DST: variants seen among roughly 807,000 people sequenced by gnomAD.
The protein encoded by DST is dystonin.
In DST, 253 loss-of-function variants were observed where a neutral mutation model predicts 875.2. The ratio of observed to expected loss-of-function variants is 0.29; its 90% CI spans 0.26 to 0.32. The LOEUF (loss-of-function observed/expected upper bound fraction) is 0.32. Ranked by LOEUF, DST falls within the 10% of genes least tolerant of loss-of-function variation. The pLI, the probability that DST is intolerant of heterozygous loss-of-function variation, is 1.00. For synonymous variants in DST, 3,124 were observed against 3,197.1 expected (o/e 0.98, Z 0.77); for missense variants, 8,287 against 9,111.6 (o/e 0.91, Z 3.68).
intron 73 of DST, among the ~76,000 whole-genome samples, chr6:56,510,584 G>A (rs890081172): frequency 7.2e-5 from 11 of 152,012 alleles, no homozygotes; most frequent in Non-Finnish European, 1.0e-4. Context: ...ATAAAAACTT[G>A]TTCATTCACA....
intron 3 of DST, among the ~76,000 whole-genome samples, chr6:56,887,682 G>T (rs1244331494): frequency 6.6e-6 from 1 of 152,048 alleles, no homozygotes; most frequent in Non-Finnish European, 1.5e-5. Context: ...TCACATACAA[G>T]AAAGACATAG....
chr6:56,555,734 A>G lies in DST; in HGVS notation c.14747T>C (p.Ile4916Thr), dbSNP rs755131589. The change falls in exon 60 of 104, where the codon ATT (isoleucine) becomes ACT (threonine). Residue 4916 changes from isoleucine to threonine, a missense_variant. By Grantham distance (89) the Ile-to-Thr change is moderately conservative. Coordinates refer to ENST00000680361, the MANE Select transcript of DST (RefSeq NM_001374736.1). ...CACAGCTGCCAGTTGCTCTTTCACA[A>G]TCCCACGTAAAGAAGGGTCTTCTCC... ...RPGEDPSLRGIVKEQLAAVTQ... is the reference protein window; with the variant it reads ...RPGEDPSLRGTVKEQLAAVTQ... The G allele has an allele frequency of 6.2e-7, 1 of 1,607,830 alleles. No homozygotes were observed. The highest frequency in any genetic ancestry group is 8.5e-7 in the Non-Finnish European group (1 of 1,174,744).
chr6:56,474,960 CAAAA>C (rs386407168), intron 92 of DST, among the ~76,000 whole-genome samples: 5 of 31,340 alleles, frequency 1.6e-4, no homozygotes, highest in Admixed American at 4.3e-4. Flanking sequence ...CCCTGCCTCT[CAAAA>C]AAAAAAAAAA....
At chr6:56,490,795 C>G (rs548232716) in intron 85 of DST, among the ~76,000 whole-genome samples, 1 of 152,210 alleles carries the variant, frequency 6.6e-6, no homozygotes, top group Non-Finnish European at 1.5e-5. Context: ...GTCAATGATA[C>G]AAACGCACAA....
intron 4 of DST, among the ~76,000 whole-genome samples, chr6:56,813,273 T>A (rs930533705): frequency 1.4e-5 from 2 of 145,876 alleles, no homozygotes; most frequent in African/African-American, 5.0e-5. Context: ...TTAGGAGATA[T>A]ACCTAATGCT....
chr6:56,623,059 T>A (rs2098704832), intron 36 of DST, among the ~76,000 whole-genome samples: 1 of 152,220 alleles, frequency 6.6e-6, no homozygotes, highest in African/African-American at 2.4e-5. Flanking sequence ...TAGTTTTTTT[T>A]AACCTATTTT....
chr6:56,484,330 C>A (rs1262106477), intron 88 of DST: 2 of 151,806 alleles, frequency 1.3e-5, no homozygotes, highest in African/African-American at 4.8e-5. Flanking sequence ...TTTATTTATT[C>A]TTTTATTTTA....
intron 4 of DST, chr6:56,843,070 G>A: frequency 6.4e-7 from 1 of 1,550,932 alleles, no homozygotes; most frequent in African/African-American, 1.4e-5. Flanking sequence ...TACCTCTCCA[G>A]GACATCCTCG....
chr6:56,815,382 A>G (rs551177626), intron 4 of DST, among the ~76,000 whole-genome samples: 108 of 152,334 alleles, frequency 7.1e-4, no homozygotes, highest in African/African-American at 2.5e-3. Context: ...TGAGGCATTT[A>G]TAACCACTTT....
At chr6:56,949,263 G>A (rs1821175203) in intron 2 of DST, among the ~76,000 whole-genome samples, 1 of 152,086 alleles carries the variant, frequency 6.6e-6, no homozygotes, top group Non-Finnish European at 1.5e-5. Context: ...TGTTTTTGTT[G>A]TTTTGTTTTT....
rs370207289 is a variant in DST, at chr6:56,555,793, C to T, written c.14688G>A (p.Leu4896=). 3.5e-5 allele frequency: 55 copies of T among 1,555,008 alleles called. 1 individual carries two copies. In the African/African-American group the frequency reaches 6.8e-4, roughly 19 times the overall value. Residue 4896 remains leucine, a synonymous_variant, in exon 60 of 104, where the codon CTG becomes CTA. Transcript: ENST00000680361. The part of the protein sequence containing the change: ...FATRKPQYEQ[L]TAAGQGILSR... ...TCAGAATGCCCTGACCAGCTGCTGT[C>T]AGCTGTTCATATTGAGGTTTCCGAG... is the stretch of plus-strand genomic sequence containing the variant.
At chr6:56,488,752 C>T (rs576715031) in intron 86 of DST, among the ~76,000 whole-genome samples, 43 of 151,702 alleles carry the variant, frequency 2.8e-4, no homozygotes, top group Non-Finnish European at 5.9e-4. Context: ...AAGAATCACT[C>T]TCCTTTTACC....
At chr6:56,828,180 C>T (rs147625544) in intron 4 of DST, among the ~76,000 whole-genome samples, 92 of 152,288 alleles carry the variant, frequency 6.0e-4, no homozygotes, top group African/African-American at 1.9e-3. Context: ...CCTAGATCTG[C>T]CTCCCCGGAG....
chr6:56,849,132 C>T (rs532795368), intron 4 of DST, among the ~76,000 whole-genome samples: 1 of 139,668 alleles, frequency 7.2e-6, no homozygotes, highest in East Asian at 2.0e-4. Flanking sequence ...AGAATTCATG[C>T]AATTTTTTTT....
chr6:56,950,545 G>A (rs543588251), intron 2 of DST, among the ~76,000 whole-genome samples: 1 of 152,136 alleles, frequency 6.6e-6, no homozygotes, highest in African/African-American at 2.4e-5. Context: ...TAAATCCTCA[G>A]GAAAAGTACA....
intron 59 of DST, 47 bp from the exon 60 acceptor site, chr6:56,555,887 G>A (rs1398373815): frequency 1.4e-6 from 2 of 1,407,062 alleles, no homozygotes; most frequent in Admixed American, 5.9e-5. Context: ...ATAATTGATT[G>A]TAGAAAACAC....
At chr6:56,527,315 T>C (rs773115325) in intron 68 of DST, among the ~76,000 whole-genome samples, 178 bp downstream of exon 68, 2 of 152,176 alleles carry the variant, frequency 1.3e-5, no homozygotes, top group Non-Finnish European at 2.9e-5. Context: ...ACTGTTTTCA[T>C]CTCTGGGCTC....
intron 49 of DST, among the ~76,000 whole-genome samples, chr6:56,581,808 G>C (rs990625669): frequency 1.1e-4 from 16 of 152,058 alleles, no homozygotes; most frequent in Admixed American, 4.6e-4. Context: ...TTTCCATCTG[G>C]ATGTATGCAG....
At chr6:56,820,512 T>A (rs973231658) in intron 4 of DST, among the ~76,000 whole-genome samples, 20 of 152,216 alleles carry the variant, frequency 1.3e-4, no homozygotes, top group Non-Finnish European at 2.5e-4. Context: ...TTTGCTATTA[T>A]CTTTACACGA....
Sources: gnomAD v4.1 joint callset for allele counts (sites outside exome capture counted in the v4.1 genomes callset) on GRCh38, gnomAD v4.1.1 for gene constraint, MANE v1.5 for transcripts, NCBI Gene and HGNC (gene_info 2026-07-23, HGNC 2026-07-21) for gene names.